CDKAL1: variants seen among roughly 807,000 people sequenced by gnomAD.
CDKAL1 encodes the protein CDKAL1 threonylcarbamoyladenosine tRNA methylthiotransferase.
Under a neutral mutation model 68.2 loss-of-function variants are expected in CDKAL1, and 32 were observed. The ratio of observed to expected loss-of-function variants is 0.47; its 90% confidence interval spans 0.35 to 0.63. The LOEUF is 0.63. CDKAL1 is among the 30% of genes least tolerant of loss of function. CDKAL1 has a pLI of 0.00. For synonymous variants in CDKAL1, 234 were observed against 244.3 expected (o/e 0.96, Z 0.39); for missense variants, 606 against 696.7 (o/e 0.87, Z 1.47).
At position 20,649,332 on chromosome 6, in the gene CDKAL1, G is replaced by T. The variant is rs752821004; in HGVS notation, c.326G>T (p.Cys109Phe). Residue 109 changes from cysteine (C) to phenylalanine (F), a missense_variant, in exon 5 of 16, where the codon TGC becomes TTC. Cys to Phe is a radical substitution (Grantham distance 205). Coordinates refer to ENST00000274695, the MANE Select transcript of CDKAL1 (RefSeq NM_017774.3). Reference protein sequence around the residue: ...SDADLWLLNSCTVKNPAEDHF... With the variant: ...SDADLWLLNSFTVKNPAEDHF... ...GCAGATTTATGGCTCCTGAACAGTT[G>T]CACTGTAAAAAACCCAGCTGAAGAC... 6.2e-7 allele frequency: 1 copy of T among 1,607,406 alleles called. No individual in the cohort carries two copies. The highest frequency in any genetic ancestry group is 8.5e-7 in the Non-Finnish European group (1 of 1,178,312).
chr6:21,158,948 C>T (rs1338912321), intron 13 of CDKAL1, among the ~76,000 whole-genome samples: 4 of 152,002 alleles, frequency 2.6e-5, no homozygotes, highest in Admixed American at 1.3e-4. Flanking sequence ...TATAATTATA[C>T]ATGATGTAGC....
chr6:21,156,458 G>C (rs930983098), intron 13 of CDKAL1, among the ~76,000 whole-genome samples: 1 of 150,414 alleles, frequency 6.6e-6, no homozygotes, highest in Non-Finnish European at 1.5e-5. Context: ...AATAAGACTG[G>C]TAAAATATAC....
intron 13 of CDKAL1, among the ~76,000 whole-genome samples, chr6:21,139,593 C>T (rs1775800534): frequency 6.6e-6 from 1 of 152,030 alleles, no homozygotes; most frequent in Admixed American, 6.6e-5. Flanking sequence ...TCAGTGCAGC[C>T]TCAACCTCCC....
intron 8 of CDKAL1, among the ~76,000 whole-genome samples, chr6:20,813,582 C>T (rs1468627130): frequency 2.6e-5 from 4 of 152,114 alleles, no homozygotes; most frequent in African/African-American, 9.7e-5. Context: ...AATGTTAGCT[C>T]TTATATTTAG....
chr6:21,042,442 A>C (rs1769983409), intron 11 of CDKAL1, among the ~76,000 whole-genome samples: 2 of 152,140 alleles, frequency 1.3e-5, no homozygotes, highest in Admixed American at 1.3e-4. Flanking sequence ...CTCTCGTGGC[A>C]CTGGGTACTC....
chr6:21,018,988 C>G (rs1582039109), intron 11 of CDKAL1, among the ~76,000 whole-genome samples: 1 of 152,156 alleles, frequency 6.6e-6, no homozygotes, highest in Non-Finnish European at 1.5e-5. Context: ...CTCGCTCTGT[C>G]ACCCAGGCTG....
At chr6:20,866,797 G>A (rs537301043) in intron 9 of CDKAL1, among the ~76,000 whole-genome samples, 1 of 152,280 alleles carries the variant, frequency 6.6e-6, no homozygotes, top group Non-Finnish European at 1.5e-5. Flanking sequence ...GCTAGGAAAT[G>A]CTACATAAAA....
chr6:20,561,446 G>GAAAAAAAAAAAAAAAA (rs55750789), intron 4 of CDKAL1, among the ~76,000 whole-genome samples: 3 of 79,652 alleles, frequency 3.8e-5, no homozygotes, highest in Non-Finnish European at 6.9e-5. Context: ...TCTCAAAAAA[G>GAAAAAAAAAAAAAAAA]AAAAAAAAAA....
At chr6:20,718,828 TAAAA>T (rs569908123) in intron 5 of CDKAL1, among the ~76,000 whole-genome samples, 1 of 152,008 alleles carries the variant, frequency 6.6e-6, no homozygotes, top group Non-Finnish European at 1.5e-5. Flanking sequence ...TTTTTATAAT[TAAAA>T]AAAACTTCTT....
chr6:20,614,148 C>G lies in CDKAL1; in HGVS notation c.287-35145C>G, dbSNP rs138588386. On this transcript the variant is annotated intron_variant, in intron 4 of 15. Coordinates refer to ENST00000274695, the MANE Select transcript of CDKAL1 (RefSeq NM_017774.3). ...ACGCTTACTGATTTGTAGGTACTCT[C>G]TATTTGGGAAATCAACCCTTCATGA... 7.9e-4 allele frequency among the ~76,000 whole-genome samples: 121 copies of G among 152,208 alleles called. 1 individual carries two copies. The highest frequency in any genetic ancestry group is 2.8e-3 in the African/African-American group (115 of 41,536).
intron 13 of CDKAL1, among the ~76,000 whole-genome samples, chr6:21,189,713 A>G (rs1330305004): frequency 6.6e-6 from 1 of 152,238 alleles, no homozygotes; most frequent in East Asian, 1.9e-4. Flanking sequence ...ATTTCATTAT[A>G]GAATGGCATT....
chr6:20,979,956 G>C (rs531144355), intron 10 of CDKAL1, among the ~76,000 whole-genome samples: 36 of 151,716 alleles, frequency 2.4e-4, no homozygotes, highest in Admixed American at 5.2e-4. Context: ...ATTTTTAGTA[G>C]AGATGGGGTT....
At chr6:20,595,307 C>T (rs1324788596) in intron 4 of CDKAL1, among the ~76,000 whole-genome samples, 1 of 152,150 alleles carries the variant, frequency 6.6e-6, no homozygotes, top group Non-Finnish European at 1.5e-5. Context: ...TCAGGTACAC[C>T]AATCAAACGT....
At chr6:21,114,597 G>T (rs1774308260) in intron 13 of CDKAL1, among the ~76,000 whole-genome samples, 1 of 151,930 alleles carries the variant, frequency 6.6e-6, no homozygotes, top group Non-Finnish European at 1.5e-5. Context: ...AGCCAGGTGT[G>T]GTGGCATGTG....
chr6:20,753,165 G>A (rs1267373121), intron 6 of CDKAL1, among the ~76,000 whole-genome samples: 2 of 152,048 alleles, frequency 1.3e-5, no homozygotes, highest in African/African-American at 4.8e-5. Flanking sequence ...CTTAGCAACT[G>A]CCTTTCATTC....
chr6:21,168,529 A>G (rs1226187328), intron 13 of CDKAL1, among the ~76,000 whole-genome samples: 2 of 152,242 alleles, frequency 1.3e-5, no homozygotes. Context: ...ATAATTGCAC[A>G]TTTCCTTGGA....
At chr6:21,160,216 C>T (rs4527692) in intron 13 of CDKAL1, among the ~76,000 whole-genome samples, 84,366 of 152,108 alleles carry the variant, frequency 0.55, 24,869 homozygotes, top group African/African-American at 0.77. Context: ...GCTTTTGGCT[C>T]TAAAATGGCT....
chr6:21,231,131 C>A lies in CDKAL1; in HGVS notation c.*92C>A. ...AAGCGACATCTCCATTCTCCAAGGG[C>A]AATAATTTGTACTGGTCATGCTGCC... On this transcript the variant is annotated 3_prime_UTR_variant, in exon 16 of 16. Transcript: ENST00000274695. 9.7e-7 allele frequency: 1 copy of A among 1,030,954 alleles called. No individual in the cohort carries two copies. Among genetic ancestry groups the A allele is most frequent in the Non-Finnish European group, 1.4e-6 (1 of 712,236 alleles). The allele number at this position is 1,030,954 out of a possible 1,614,324, so 63.9% of individuals were successfully genotyped here.
chr6:21,097,325 C>T (rs1362168056), intron 12 of CDKAL1, among the ~76,000 whole-genome samples: 1 of 152,094 alleles, frequency 6.6e-6, no homozygotes. Flanking sequence ...CAAAAATAAG[C>T]TGGGTGTGGT....
Sources: gnomAD v4.1 joint callset for allele counts (sites outside exome capture counted in the v4.1 genomes callset) on GRCh38, gnomAD v4.1.1 for gene constraint, MANE v1.5 for transcripts, NCBI Gene and HGNC (gene_info 2026-07-23, HGNC 2026-07-21) for gene names.